Variants in ADK observed in about 807,000 individuals in gnomAD.
ADK encodes the protein N6,N6-dimethyladenosine kinase.
Under a neutral mutation model 44.7 loss-of-function variants are expected in ADK, and 24 were observed. The observed-to-expected ratio is 0.54, with a 90% CI of 0.39 to 0.76. The LOEUF (loss-of-function observed/expected upper bound fraction) is 0.76, where lower values mean the gene tolerates loss of function less well. Among genes scored for constraint, ADK ranks in the 30% least tolerant of loss-of-function variants. ADK has a pLI of 0.00. For missense variants in ADK, 321 were observed against 425.1 expected, an observed-to-expected ratio of 0.76 and a Z score of 2.15; for synonymous variants, 128 against 142.6, an observed-to-expected ratio of 0.90 and a Z score of 0.73.
At chr10:74,428,977 A>G (rs1490871238) in intron 6 of ADK, among the ~76,000 whole-genome samples, 13 of 152,234 alleles carry the variant, frequency 8.5e-5, no homozygotes, top group Admixed American at 8.5e-4. Context: ...TATTATGCAT[A>G]CATACAGAAA....
intron 5 of ADK, among the ~76,000 whole-genome samples, chr10:74,394,849 A>G (rs1037367319): frequency 6.6e-6 from 1 of 152,202 alleles, no homozygotes; most frequent in Non-Finnish European, 1.5e-5. Context: ...AGTCGTGGGT[A>G]GTATACCACT....
At chr10:74,229,564 A>G (rs1844675032) in intron 3 of ADK, among the ~76,000 whole-genome samples, 1 of 151,808 alleles carries the variant, frequency 6.6e-6, no homozygotes, top group African/African-American at 2.4e-5. Context: ...CGCCCGGCTA[A>G]TTTTTTGTAT....
intron 6 of ADK, among the ~76,000 whole-genome samples, chr10:74,479,729 A>G (rs1384046474): frequency 1.3e-5 from 2 of 151,848 alleles, no homozygotes; most frequent in African/African-American, 4.8e-5. Flanking sequence ...GGTGGCCTTA[A>G]TCCCCATTTT....
chr10:74,272,432 T>C (rs1364354161), intron 3 of ADK, among the ~76,000 whole-genome samples: 1 of 151,994 alleles, frequency 6.6e-6, no homozygotes, highest in Admixed American at 6.6e-5. Flanking sequence ...CGCACTACCA[T>C]GCCGGGTTAA....
intron 4 of ADK, among the ~76,000 whole-genome samples, chr10:74,359,780 T>C (rs535309035): frequency 6.6e-6 from 1 of 152,248 alleles, no homozygotes; most frequent in South Asian, 2.1e-4. Context: ...TTCCAAAACA[T>C]GGGATGTCTT....
intron 4 of ADK, among the ~76,000 whole-genome samples, chr10:74,329,059 T>C (rs1445944563): frequency 1.9e-5 from 1 of 52,838 alleles, no homozygotes; most frequent in Non-Finnish European, 3.7e-5. Context: ...AGTATAATAA[T>C]AATAAAATAA....
intron 3 of ADK, among the ~76,000 whole-genome samples, chr10:74,304,514 T>C (rs957942056): frequency 3.9e-5 from 6 of 152,176 alleles, no homozygotes; most frequent in African/African-American, 1.4e-4. Flanking sequence ...AATTTATGAC[T>C]TAGAGTGGAA....
At chr10:74,296,055 G>A (rs1451224457) in intron 3 of ADK, among the ~76,000 whole-genome samples, 1 of 131,902 alleles carries the variant, frequency 7.6e-6, no homozygotes, top group East Asian at 2.0e-4. Flanking sequence ...CTATTTCCAC[G>A]TATTTAGCTC....
intron 4 of ADK, among the ~76,000 whole-genome samples, chr10:74,366,699 G>A (rs1842508737): frequency 6.6e-6 from 1 of 152,188 alleles, no homozygotes; most frequent in Non-Finnish European, 1.5e-5. Flanking sequence ...GGAGGCTGAG[G>A]CAGGTGGATC....
At chr10:74,644,860 C>G (rs1278695248) in intron 9 of ADK, among the ~76,000 whole-genome samples, 1 of 152,080 alleles carries the variant, frequency 6.6e-6, no homozygotes, top group Non-Finnish European at 1.5e-5. Flanking sequence ...CTTTTGCTGC[C>G]CTTCTGTAAA....
At chr10:74,337,747 C>A (rs926896111) in intron 4 of ADK, among the ~76,000 whole-genome samples, 9 of 150,152 alleles carry the variant, frequency 6.0e-5, no homozygotes, top group African/African-American at 2.2e-4. Context: ...ATTGTATATT[C>A]CCTCTTCGGA....
At chr10:74,503,109 A>G (rs1283028343) in intron 6 of ADK, among the ~76,000 whole-genome samples, 1 of 152,188 alleles carries the variant, frequency 6.6e-6, no homozygotes, top group Non-Finnish European at 1.5e-5. Flanking sequence ...AGTATGGCCT[A>G]TGAGCCATAC....
intron 6 of ADK, among the ~76,000 whole-genome samples, chr10:74,508,035 C>G (rs778404067): frequency 6.6e-6 from 1 of 152,108 alleles, no homozygotes; most frequent in Non-Finnish European, 1.5e-5. Context: ...GCAAATTATT[C>G]TATATGACTG....
At chr10:74,278,612 TTTC>T (rs1846794024) in intron 3 of ADK, among the ~76,000 whole-genome samples, 1 of 152,228 alleles carries the variant, frequency 6.6e-6, no homozygotes, top group Admixed American at 6.5e-5. Context: ...GTTAAACTTC[TTTC>T]TTTTGGTCAA....
chr10:74,582,965 A>T (rs1199234598), intron 7 of ADK, among the ~76,000 whole-genome samples: 1 of 152,148 alleles, frequency 6.6e-6, no homozygotes, highest in East Asian at 1.9e-4. Context: ...TATGCAACAA[A>T]TTTCTCCAGC....
chr10:74,357,693 A>T (rs1376398756), intron 4 of ADK, among the ~76,000 whole-genome samples: 1 of 152,116 alleles, frequency 6.6e-6, no homozygotes, highest in Non-Finnish European at 1.5e-5. Context: ...TCTTCCTTAC[A>T]TAGACCGATA....
chr10:74,453,568 GA>G (rs897041659), intron 6 of ADK, among the ~76,000 whole-genome samples: 1 of 152,028 alleles, frequency 6.6e-6, no homozygotes, highest in African/African-American at 2.4e-5. Context: ...CATTTCACTT[GA>G]AGTTATTAGT....
chr10:74,352,821 C>A (rs1029391171), intron 4 of ADK, among the ~76,000 whole-genome samples: 1 of 152,208 alleles, frequency 6.6e-6, no homozygotes, highest in African/African-American at 2.4e-5. Context: ...AATTGCTCAT[C>A]ATCATTGGTC....
At chr10:74,156,884 G>A (rs1196695899) in intron 1 of ADK, among the ~76,000 whole-genome samples, 1 of 152,178 alleles carries the variant, frequency 6.6e-6, no homozygotes, top group African/African-American at 2.4e-5. Flanking sequence ...AAAAGATATA[G>A]ATATACTCAA....
Sources: allele counts gnomAD v4.1 joint callset (sites outside exome capture counted in the v4.1 genomes callset), GRCh38; gene constraint gnomAD v4.1.1; transcripts MANE v1.5; gene names NCBI Gene and HGNC (gene_info 2026-07-23, HGNC 2026-07-21).